The following SEMA5A variants were observed in gnomAD, a reference collection of about 807,000 sequenced individuals.
SEMA5A encodes the protein semaphorin-5A.
Under a neutral mutation model 135.5 loss-of-function variants are expected in SEMA5A, and 55 were observed. That is an observed-to-expected ratio of 0.41 (90% CI 0.33 to 0.51). SEMA5A has a LOEUF of 0.51. Among genes scored for constraint, SEMA5A ranks in the 20% least tolerant of loss-of-function variants. The pLI, the probability that SEMA5A is intolerant of heterozygous loss-of-function variation, is 0.37. For missense variants in SEMA5A, 1,290 were observed against 1,419.9 expected, an observed-to-expected ratio of 0.91 and a Z score of 1.47; for synonymous variants, 580 against 546.5, an observed-to-expected ratio of 1.06 and a Z score of -0.85.
intron 3 of SEMA5A, among the ~76,000 whole-genome samples, chr5:9,343,214 C>A (rs573305108): frequency 6.6e-6 from 1 of 152,114 alleles, no homozygotes; most frequent in Admixed American, 6.5e-5. Flanking sequence ...TTTTATTACC[C>A]AAGTGTCTTT....
intron 5 of SEMA5A, among the ~76,000 whole-genome samples, chr5:9,281,514 G>A (rs906474186): frequency 6.6e-6 from 1 of 152,156 alleles, no homozygotes; most frequent in Admixed American, 6.5e-5. Context: ...ATTATCTAGC[G>A]TAAAAAGTCA....
chr5:9,542,192 C>A (rs1738130199), intron 1 of SEMA5A, among the ~76,000 whole-genome samples: 4 of 152,116 alleles, frequency 2.6e-5, no homozygotes, highest in Admixed American at 1.3e-4. Context: ...AAAGTGCTTC[C>A]CAGCAGCCAC....
intron 17 of SEMA5A, among the ~76,000 whole-genome samples, chr5:9,066,207 A>G (rs1304866557): frequency 4.6e-5 from 7 of 152,220 alleles, no homozygotes; most frequent in African/African-American, 1.4e-4. Context: ...GCCTGATTTC[A>G]TAGTATCACT....
intron 18 of SEMA5A, among the ~76,000 whole-genome samples, chr5:9,058,961 G>C (rs1214931681): frequency 6.6e-6 from 1 of 152,170 alleles, no homozygotes; most frequent in Non-Finnish European, 1.5e-5. Flanking sequence ...AGAGGGTTCT[G>C]AGCACACCAG....
chr5:9,474,299 T>A (rs1322020886), intron 1 of SEMA5A, among the ~76,000 whole-genome samples: 1 of 151,302 alleles, frequency 6.6e-6, no homozygotes, highest in East Asian at 2.0e-4. Flanking sequence ...GGGGTGGGGG[T>A]GTGCCTGAAG....
Position 9,427,798 on chromosome 5 carries a change from C to G in SEMA5A, c.-78+9958G>C, listed in dbSNP as rs139222694. 4.0e-3 allele frequency among the ~76,000 whole-genome samples: 602 copies of G among 152,204 alleles called. 5 individuals are homozygous for G. The highest frequency in any genetic ancestry group is 0.014 in the African/African-American group (577 of 41,520). ...GTGATTTTCCTCTAGTAGGTGGATC[C>G]TTGAGCAGCCTACCCCTAATTTGCC... On this transcript the variant is annotated intron_variant, in intron 2 of 22. Coordinates refer to ENST00000382496, the MANE Select transcript of SEMA5A (RefSeq NM_003966.3).
chr5:9,328,608 G>A (rs1561151846), intron 4 of SEMA5A, among the ~76,000 whole-genome samples: 1 of 152,048 alleles, frequency 6.6e-6, no homozygotes, highest in Non-Finnish European at 1.5e-5. Context: ...GTAAAACCCT[G>A]TCTCCACTAA....
At chr5:9,507,685 G>A (rs570151835) in intron 1 of SEMA5A, among the ~76,000 whole-genome samples, 13 of 152,240 alleles carry the variant, frequency 8.5e-5, no homozygotes, top group Admixed American at 2.0e-4. Context: ...GGCACCCACC[G>A]TGGAAGGCTG....
At chr5:9,187,227 A>G (rs1744858633) in intron 11 of SEMA5A, among the ~76,000 whole-genome samples, 1 of 152,180 alleles carries the variant, frequency 6.6e-6, no homozygotes, top group African/African-American at 2.4e-5. Flanking sequence ...AATATCCCTT[A>G]AAACTGAATA....
intron 16 of SEMA5A, among the ~76,000 whole-genome samples, chr5:9,089,746 A>G (rs1738929747): frequency 6.6e-6 from 1 of 152,140 alleles, no homozygotes; most frequent in Non-Finnish European, 1.5e-5. Context: ...ACCTTTCATC[A>G]CTAAGTATGA....
intron 16 of SEMA5A, among the ~76,000 whole-genome samples, chr5:9,096,991 G>C (rs1386606192): frequency 6.6e-6 from 1 of 152,066 alleles, no homozygotes; most frequent in Admixed American, 6.5e-5. Context: ...AGAGAAGGTG[G>C]ATATATTAAT....
At chr5:9,445,583 G>A (rs1374711665) in intron 1 of SEMA5A, among the ~76,000 whole-genome samples, 4 of 151,976 alleles carry the variant, frequency 2.6e-5, no homozygotes, top group Non-Finnish European at 4.4e-5. Flanking sequence ...GCAGGAGAAT[G>A]GCGTCAACCC....
intron 20 of SEMA5A, 63 bp downstream of exon 20, chr5:9,051,810 A>T: frequency 1.2e-6 from 2 of 1,600,974 alleles, no homozygotes; most frequent in Non-Finnish European, 1.7e-6. Flanking sequence ...TGACCTATGA[A>T]TCATTTTCTC....
At chr5:9,451,349 G>A (rs886610331) in intron 1 of SEMA5A, among the ~76,000 whole-genome samples, 2 of 152,172 alleles carry the variant, frequency 1.3e-5, no homozygotes, top group Non-Finnish European at 2.9e-5. Flanking sequence ...CAGCATTGTT[G>A]GGGAGATGAC....
At chr5:9,131,096 G>A (rs1237818059) in intron 13 of SEMA5A, among the ~76,000 whole-genome samples, 2 of 152,150 alleles carry the variant, frequency 1.3e-5, no homozygotes, top group African/African-American at 4.8e-5. Context: ...ATTACATGAT[G>A]TATAGCTCAT....
intron 16 of SEMA5A, among the ~76,000 whole-genome samples, chr5:9,090,194 C>T (rs906261673): frequency 6.6e-6 from 1 of 152,112 alleles, no homozygotes; most frequent in Non-Finnish European, 1.5e-5. Flanking sequence ...GGTGAAGGGA[C>T]CTTCAGCAGG....
rs746113532 is a variant in SEMA5A at position 9,190,483 on chromosome 5, G to T, written c.1069-12C>A. 1.2e-6 allele frequency: 2 copies of T among 1,611,916 alleles called. No homozygotes were observed. Among genetic ancestry groups the T allele is most frequent in the Non-Finnish European group, 1.7e-6 (2 of 1,179,630 alleles). Reference sequence around the variant, plus strand: ...TCCACGGTGCCACACTGAAAGGGAAGACGGGCCAGGTTACCAGAGCCGGCA... The same window carrying T: ...TCCACGGTGCCACACTGAAAGGGAATACGGGCCAGGTTACCAGAGCCGGCA... On this transcript the variant is annotated splice_polypyrimidine_tract_variant and intron_variant, in intron 10 of 22. Coordinates refer to ENST00000382496, the MANE Select transcript of SEMA5A (RefSeq NM_003966.3).
intron 16 of SEMA5A, among the ~76,000 whole-genome samples, chr5:9,088,381 G>T (rs56807594): frequency 6.7e-6 from 1 of 150,044 alleles, no homozygotes; most frequent in Non-Finnish European, 1.5e-5. Flanking sequence ...TAAGTATATA[G>T]AATAAGGGTA....
chr5:9,265,302 ATAACCTCC>A (rs1170740052), intron 5 of SEMA5A: 3 of 389,340 alleles, frequency 7.7e-6, no homozygotes, highest in African/African-American at 4.1e-5. Context: ...CTCTAGACAA[ATAACCTCC>A]TTATTAGAAG....
Sources: allele counts gnomAD v4.1 joint callset (sites outside exome capture counted in the v4.1 genomes callset), GRCh38; gene constraint gnomAD v4.1.1; transcripts MANE v1.5; gene names NCBI Gene and HGNC (gene_info 2026-07-23, HGNC 2026-07-21).